The following ZNF727 variants were observed in gnomAD, a reference collection of about 807,000 sequenced individuals.
The protein encoded by ZNF727 is putative zinc finger protein 727.
A neutral mutation model predicts 11.5 loss-of-function variants in ZNF727; 11 were observed. That is an observed-to-expected ratio of 0.95 (90% CI 0.60 to 1.58). The LOEUF (loss-of-function observed/expected upper bound fraction) is 1.58. Ranked by LOEUF, ZNF727 falls within the 40% of genes most tolerant of loss-of-function variation. The probability of loss-of-function intolerance (pLI) is 0.00; values close to 1 mark genes in which losing one functional copy is unlikely to be tolerated. For missense variants in ZNF727, 533 were observed against 581.7 expected (o/e 0.92, Z 0.86); for synonymous variants, 171 against 196.1 (o/e 0.87, Z 1.07).
At position 64,063,266 on chromosome 7, in the gene ZNF727, T is replaced by C. The variant is rs868684942; in HGVS notation, c.4-5625T>C. On this transcript the variant is annotated intron_variant, in intron 1 of 3. Transcript: ENST00000456806. ...ATACCTGTCCTTCTTAGAAAGGCTT[T>C]CCAAGTATTCAAAGGGAATCGAGTG... Among the ~76,000 whole-genome samples the C allele has an allele frequency of 5.1e-4, 78 of 152,246 alleles. 1 individual carries two copies. Among genetic ancestry groups the C allele is most frequent in the South Asian group, 3.5e-3 (17 of 4,826 alleles).
intron 2 of ZNF727, 40 bp from the exon 3 acceptor site, chr7:64,069,474 A>G (rs1584151994): frequency 7.5e-6 from 11 of 1,458,040 alleles, no homozygotes; most frequent in African/African-American, 1.4e-5. Context: ...TAATCAGATT[A>G]TCCTAGCAAG....
At position 64,084,777 on chromosome 7, in the gene ZNF727, T is replaced by C. The variant is rs143036329; in HGVS notation, c.*6228T>C. ...ATTTAAATATACAAATGTATCACTG[T>C]AAAATAAACTTTAAGTGTAACAGAT... On this transcript the variant is annotated 3_prime_UTR_variant, in exon 4 of 4. Transcript: ENST00000456806. Among the ~76,000 whole-genome samples, 1,034 of 152,324 alleles carry C rather than the reference T, an allele frequency of 6.8e-3. 19 individuals are homozygous for C. The highest frequency in any genetic ancestry group is 0.045 in the Admixed American group (690 of 15,298).
chr7:64,060,633 T>A (rs1166745576), intron 1 of ZNF727, among the ~76,000 whole-genome samples: 3 of 152,240 alleles, frequency 2.0e-5, no homozygotes, highest in Admixed American at 2.0e-4. Flanking sequence ...TTTGTAAATT[T>A]TGTTTATCTT....
chr7:64,077,023 T>C (rs1258172504), intron 3 of ZNF727, among the ~76,000 whole-genome samples: 1 of 152,200 alleles, frequency 6.6e-6, no homozygotes, highest in South Asian at 2.1e-4. Flanking sequence ...TGAAATACTT[T>C]TATTACACTT....
chr7:64,064,328 G>T (rs148399267), intron 1 of ZNF727, among the ~76,000 whole-genome samples: 3,493 of 152,198 alleles, frequency 0.023, 148 homozygotes, highest in African/African-American at 0.079. Context: ...GCCAGAACTG[G>T]TACCTTCCCT....
In ZNF727 at chr7:64,077,667, C is replaced by T. The variant is rs1306931631; in HGVS notation, c.618C>T (p.Gly206=). 10 of 1,558,274 alleles carry T rather than the reference C, an allele frequency of 6.4e-6. No individual in the cohort carries two copies. The highest frequency in any genetic ancestry group is 1.7e-4 in the Middle Eastern group (1 of 6,012). Residue 206 remains glycine (G), a synonymous_variant, in exon 4 of 4, where the codon GGC becomes GGT. Coordinates refer to ENST00000456806, the MANE Select transcript of ZNF727 (RefSeq NM_001159522.3). The part of the protein sequence containing the change: ...ADRSYKCEEC[G]KACKKFSNLT... ...GAAGTTACAAATGTGAAGAATGTGG[C>T]AAAGCCTGTAAAAAGTTCTCAAACC... is the stretch of plus-strand genomic sequence containing the variant.
intron 1 of ZNF727, among the ~76,000 whole-genome samples, chr7:64,054,038 A>G (rs1369302691): frequency 6.6e-6 from 1 of 152,188 alleles, no homozygotes; most frequent in African/African-American, 2.4e-5. Flanking sequence ...AAATACCCTA[A>G]CCATGAGCTG....
chr7:64,070,830 T>C (rs1168509570), intron 3 of ZNF727, among the ~76,000 whole-genome samples: 1 of 152,030 alleles, frequency 6.6e-6, no homozygotes, highest in East Asian at 1.9e-4. Context: ...CTTCTAGGAG[T>C]CCAACCTTAT....
intron 3 of ZNF727, among the ~76,000 whole-genome samples, chr7:64,070,998 G>GTTT (rs544738234): frequency 3.3e-5 from 5 of 151,248 alleles, no homozygotes; most frequent in Non-Finnish European, 5.9e-5. Flanking sequence ...TATATACCAT[G>GTTT]TTTTTTTTTT....
At chr7:64,047,452 G>T (rs1789526772) in intron 1 of ZNF727, among the ~76,000 whole-genome samples, 1 of 152,146 alleles carries the variant, frequency 6.6e-6, no homozygotes, top group Non-Finnish European at 1.5e-5. Context: ...ATCTTCTCTA[G>T]GCACGCGCGC....
Position 64,067,112 on chromosome 7 carries a change from G to A in ZNF727, c.4-1779G>A, listed in dbSNP as rs184076729. Among the ~76,000 whole-genome samples, 480 of 145,828 alleles carry A rather than the reference G, an allele frequency of 3.3e-3. 3 individuals are homozygous for A. The highest frequency in any genetic ancestry group is 6.8e-3 in the Admixed American group (96 of 14,124). ...GGATACAAACAGTCACTTTTCAAAA[G>A]AAGACATTTATGCAGCCAACAAACA... is the stretch of plus-strand genomic sequence containing the variant. On this transcript the variant is annotated intron_variant, in intron 1 of 3. Coordinates refer to ENST00000456806, the MANE Select transcript of ZNF727 (RefSeq NM_001159522.3).
chr7:64,063,501 A>T (rs10250356), intron 1 of ZNF727, among the ~76,000 whole-genome samples: 81,803 of 149,540 alleles, frequency 0.55, 22,019 homozygotes, highest in African/African-American at 0.62. Context: ...CTGCATGCTG[A>T]GCTGCCTGGA....
chr7:64,055,606 T>TGTTC (rs1789672511), intron 1 of ZNF727, among the ~76,000 whole-genome samples: 1 of 152,376 alleles, frequency 6.6e-6, no homozygotes, highest in East Asian at 1.9e-4. Context: ...CGGTCAGTTA[T>TGTTC]GTAAGTGGAG....
At chr7:64,065,650 T>C (rs748366956) in intron 1 of ZNF727, among the ~76,000 whole-genome samples, 1 of 152,216 alleles carries the variant, frequency 6.6e-6, no homozygotes, top group Non-Finnish European at 1.5e-5. Flanking sequence ...AGTCAGAGAC[T>C]GTGTCCACTT....
At chr7:64,070,678 T>A (rs921934691) in intron 3 of ZNF727, among the ~76,000 whole-genome samples, 10 of 152,048 alleles carry the variant, frequency 6.6e-5, no homozygotes, top group African/African-American at 2.2e-4. Flanking sequence ...TCAGCATACC[T>A]AACAGTATTA....
At chr7:64,048,694 C>G (rs1402528399) in intron 1 of ZNF727, among the ~76,000 whole-genome samples, 1 of 152,084 alleles carries the variant, frequency 6.6e-6, no homozygotes, top group Non-Finnish European at 1.5e-5. Flanking sequence ...AAATCAGTAG[C>G]TTTTTTTGTT....
At chr7:64,056,104 A>G (rs1789682321) in intron 1 of ZNF727, among the ~76,000 whole-genome samples, 2 of 152,152 alleles carry the variant, frequency 1.3e-5, no homozygotes, top group South Asian at 4.1e-4. Context: ...GTGAAGTGGT[A>G]TTTCAATATG....
In ZNF727 at chr7:64,084,016, G is replaced by A. The variant is rs1473872765; in HGVS notation, c.*5467G>A. On this transcript the variant is annotated 3_prime_UTR_variant, in exon 4 of 4. Transcript: ENST00000456806. ...TCTTCATTCTAGAATTTATGTGAAAGAACATGGTCAATGGTTGCTGCACCA... is the reference window on the plus strand; with the variant it reads ...TCTTCATTCTAGAATTTATGTGAAAAAACATGGTCAATGGTTGCTGCACCA... Among the ~76,000 whole-genome samples, 1 of 152,172 alleles carries A rather than the reference G, an allele frequency of 6.6e-6. No individual in the cohort carries two copies. Among genetic ancestry groups the A allele is most frequent in the African/African-American group, 2.4e-5 (1 of 41,440 alleles).
rs1789918088 is a variant in ZNF727, at chr7:64,069,093, C to T, written c.130+76C>T. The T allele has an allele frequency of 2.8e-6, 4 of 1,419,636 alleles. No homozygotes were observed. In the East Asian group the frequency reaches 7.7e-5, roughly 27 times the overall value. The allele number at this position is 1,419,636 out of a possible 1,614,324, so 87.9% of individuals were successfully genotyped here. On this transcript the variant is annotated intron_variant, in intron 2 of 3. Transcript: ENST00000456806. ...TCCTCTTTTTTTTTTTGAAGTTCTG[C>T]TTTGCATAAATGAGTTTCAGAATCC...
Sources: gnomAD v4.1 joint callset for allele counts (sites outside exome capture counted in the v4.1 genomes callset) on GRCh38, gnomAD v4.1.1 for gene constraint, MANE v1.5 for transcripts, NCBI Gene and HGNC (gene_info 2026-07-23, HGNC 2026-07-21) for gene names.